Variants in NUP98 observed in about 807,000 individuals in gnomAD.
NUP98 encodes the protein nucleoporin 98 and 96 precursor, also known as nuclear pore complex protein Nup98-Nup96.
NUP98 carries 26 observed loss-of-function variants against 191.9 expected under a neutral mutation model. That is an observed-to-expected ratio of 0.14 (90% CI 0.10 to 0.19). The LOEUF is 0.19. Ranked by LOEUF, NUP98 falls within the 10% of genes least tolerant of loss-of-function variation. The probability of loss-of-function intolerance (pLI) is 1.00; values close to 1 mark genes in which losing one functional copy is unlikely to be tolerated. For missense variants in NUP98, 1,941 were observed against 2,178.8 expected (o/e 0.89, Z 2.17); for synonymous variants, 808 against 778.4 (o/e 1.04, Z -0.63).
intron 14 of NUP98, among the ~76,000 whole-genome samples, chr11:3,726,823 G>C (rs1022361994): frequency 6.7e-6 from 1 of 150,350 alleles, no homozygotes; most frequent in Non-Finnish European, 1.5e-5. Flanking sequence ...GTACAGTGGT[G>C]GTATCATAGC....
At chr11:3,790,968 T>TGACTGCAAGCTCTGCC (rs1169512081) in intron 1 of NUP98, among the ~76,000 whole-genome samples, 2 of 151,642 alleles carry the variant, frequency 1.3e-5, no homozygotes. Context: ...CAATCTCGGC[T>TGACTGCAAGCTCTGCC]GACTGCAAGC....
intron 11 of NUP98, among the ~76,000 whole-genome samples, chr11:3,746,823 G>C (rs1038384280): frequency 6.6e-6 from 1 of 150,910 alleles, no homozygotes; most frequent in Admixed American, 6.6e-5. Flanking sequence ...TGAAGCAGGA[G>C]AATCGCTTGA....
chr11:3,731,631 C>A, intron 13 of NUP98, 53 bp from the exon 14 acceptor site: 1 of 1,261,558 alleles, frequency 7.9e-7, no homozygotes, highest in Non-Finnish European at 1.1e-6. Context: ...ATGTACTGCA[C>A]TGGCCTTAAA....
intron 5 of NUP98, among the ~76,000 whole-genome samples, chr11:3,774,224 C>G (rs636642): frequency 0.17 from 25,604 of 150,042 alleles, 2,309 homozygotes; most frequent in East Asian, 0.26. Context: ...ATGGTGAAAC[C>G]CCGTCTCTAC....
At chr11:3,689,295 G>C (rs953239448) in intron 28 of NUP98, among the ~76,000 whole-genome samples, 1 of 152,170 alleles carries the variant, frequency 6.6e-6, no homozygotes, top group African/African-American at 2.4e-5. Flanking sequence ...GGGAGGCTGA[G>C]GTGGGCAGAT....
intron 20 of NUP98, among the ~76,000 whole-genome samples, chr11:3,710,523 A>G (rs549498694): frequency 6.6e-6 from 1 of 152,222 alleles, no homozygotes; most frequent in Non-Finnish European, 1.5e-5. Flanking sequence ...CTAAATACCT[A>G]AAGAAACAGG....
intron 4 of NUP98, among the ~76,000 whole-genome samples, chr11:3,777,481 C>T (rs1429766187): frequency 9.2e-5 from 14 of 151,912 alleles, no homozygotes; most frequent in Admixed American, 5.9e-4. Context: ...ATTAGCCAGG[C>T]GTGATGGCGG....
At chr11:3,778,807 A>G in intron 4 of NUP98, 66 bp downstream of exon 4, 2 of 1,500,412 alleles carry the variant, frequency 1.3e-6, no homozygotes, top group East Asian at 2.3e-5. Flanking sequence ...AAAACGGAGA[A>G]AAGACAACAC....
intron 2 of NUP98, among the ~76,000 whole-genome samples, chr11:3,780,377 A>T (rs1430259557): frequency 3.3e-4 from 50 of 150,034 alleles, no homozygotes; most frequent in South Asian, 3.1e-3. Context: ...TAAAATAAAA[A>T]AAAAAAAAAA....
Position 3,697,820 on chromosome 11 carries a change from T to TAA in NUP98, c.4009+1260_4009+1261dup, listed in dbSNP as rs199874258. ...GTAAACACACAGACAGACTCTGTCT[T>TAA]AAAAAAAAAAAAAAAAAAAAAAAAA... On this transcript the variant is annotated intron_variant, in intron 25 of 32. Transcript: ENST00000324932. 5.1e-3 allele frequency among the ~76,000 whole-genome samples: 498 copies of TAA among 97,122 alleles called. 4 individuals carry two copies. The highest frequency in any genetic ancestry group is 0.015 in the South Asian group (40 of 2,700). The allele number at this position is 97,122 out of a possible 152,430, so 63.7% of individuals were successfully genotyped here. A position where few individuals can be genotyped will look rare whatever the true frequency, so the allele number is the denominator to read the frequency against.
At chr11:3,772,062 G>C in intron 6 of NUP98, 134 bp from the exon 7 acceptor site, 2 of 682,292 alleles carry the variant, frequency 2.9e-6, no homozygotes, top group Admixed American at 3.0e-5. Context: ...GAAAACTAAG[G>C]AATGACATTA....
chr11:3,691,042 T>G (rs1051175141), intron 28 of NUP98, among the ~76,000 whole-genome samples: 1 of 152,212 alleles, frequency 6.6e-6, no homozygotes, highest in Non-Finnish European at 1.5e-5. Context: ...CACAGGCATT[T>G]TTCAATGGTA....
At position 3,724,780 on chromosome 11, in the gene NUP98, C is replaced by CAA. The variant is rs71041382; in HGVS notation, c.1847+321_1847+322dup. ...TGGGCGACAGAGTGAGACTCTGTCT[C>CAA]AAAAAAAAAAAAGAAAGAAAATCAT... On this transcript the variant is annotated intron_variant, in intron 15 of 32. Transcript: ENST00000324932. 6.2e-5 allele frequency among the ~76,000 whole-genome samples: 5 copies of CAA among 80,164 alleles called. 1 individual carries two copies. Among genetic ancestry groups the CAA allele is most frequent in the Non-Finnish European group, 9.7e-5 (4 of 41,056 alleles). The allele number at this position is 80,164 out of a possible 152,430, so 52.6% of individuals were successfully genotyped here.
intron 23 of NUP98, among the ~76,000 whole-genome samples, chr11:3,701,676 CTTT>C (rs1373928323): frequency 6.6e-6 from 1 of 151,008 alleles, no homozygotes; most frequent in Non-Finnish European, 1.5e-5. Context: ...GTTGTTTTTT[CTTT>C]TTCTTTTCTC....
chr11:3,679,122 CAAAAAA>C (rs36063275), intron 31 of NUP98, among the ~76,000 whole-genome samples: 1 of 97,332 alleles, frequency 1.0e-5, no homozygotes, highest in African/African-American at 4.1e-5. Context: ...GACTCTGTTC[CAAAAAA>C]AAAAAAAAAA....
At chr11:3,707,943 A>T (rs1012339943) in intron 20 of NUP98, among the ~76,000 whole-genome samples, 16 of 152,072 alleles carry the variant, frequency 1.1e-4, no homozygotes, top group Non-Finnish European at 1.9e-4. Context: ...TCTACTAAAA[A>T]TACAAAAATT....
In NUP98 at chr11:3,741,247, A is replaced by T. The variant is rs1011076171; in HGVS notation, c.1408+3262T>A. 3.3e-5 allele frequency among the ~76,000 whole-genome samples: 5 copies of T among 152,206 alleles called. No individual in the cohort carries two copies. In the East Asian group the frequency reaches 9.6e-4, roughly 29 times the overall value. On this transcript the variant is annotated intron_variant, in intron 12 of 32. Transcript: ENST00000324932. ...AAAATTTTATCCCAACTGAGTTTTA[A>T]GCAAAAAAACTGTATCTAAGAAACA... is the stretch of plus-strand genomic sequence containing the variant.
intron 14 of NUP98, among the ~76,000 whole-genome samples, chr11:3,730,818 A>T (rs939265635): frequency 6.6e-6 from 1 of 152,126 alleles, no homozygotes; most frequent in Non-Finnish European, 1.5e-5. Flanking sequence ...GCAACAACAA[A>T]AAAACCTAAT....
intron 14 of NUP98, among the ~76,000 whole-genome samples, chr11:3,730,255 A>G (rs1172184088): frequency 6.6e-6 from 1 of 152,156 alleles, no homozygotes; most frequent in Non-Finnish European, 1.5e-5. Flanking sequence ...ATAAAATGCT[A>G]GGACAGACAT....
Sources: gnomAD v4.1 joint callset for allele counts (sites outside exome capture counted in the v4.1 genomes callset) on GRCh38, gnomAD v4.1.1 for gene constraint, MANE v1.5 for transcripts, NCBI Gene and HGNC (gene_info 2026-07-23, HGNC 2026-07-21) for gene names.